Variants in HOMER1 observed in about 807,000 individuals in gnomAD.
The protein encoded by HOMER1 is homer protein homolog 1.
Under a neutral mutation model 48.9 loss-of-function variants are expected in HOMER1, and 3 were observed. The ratio of observed to expected loss-of-function variants is 0.06; its 90% confidence interval spans 0.03 to 0.16. The LOEUF (loss-of-function observed/expected upper bound fraction) is 0.16, where lower values mean the gene tolerates loss of function less well. HOMER1 is among the 10% of genes least tolerant of loss of function. HOMER1 has a pLI of 1.00. For missense variants in HOMER1, 247 were observed against 411.4 expected, an observed-to-expected ratio of 0.60 and a Z score of 3.46; for synonymous variants, 134 against 146.4, an observed-to-expected ratio of 0.92 and a Z score of 0.61.
At chr5:79,390,501 T>C (rs1246851810) in intron 8 of HOMER1, among the ~76,000 whole-genome samples, 1 of 152,088 alleles carries the variant, frequency 6.6e-6, no homozygotes, top group Non-Finnish European at 1.5e-5. Context: ...AGGAAAATTA[T>C]TAATACAATG....
chr5:79,389,010 T>C (rs1749183307), intron 8 of HOMER1, among the ~76,000 whole-genome samples: 1 of 152,012 alleles, frequency 6.6e-6, no homozygotes, highest in South Asian at 2.1e-4. Context: ...CCCTCAACAA[T>C]GTATTTCGTG....
chr5:79,463,296 A>T (rs916988923), intron 1 of HOMER1, among the ~76,000 whole-genome samples: 3 of 152,226 alleles, frequency 2.0e-5, no homozygotes, highest in African/African-American at 7.2e-5. Flanking sequence ...GAAATAACCA[A>T]GAAAAGTTTG....
chr5:79,387,045 T>C (rs1749131917), intron 8 of HOMER1, among the ~76,000 whole-genome samples: 3 of 125,148 alleles, frequency 2.4e-5, no homozygotes, highest in Admixed American at 8.5e-5. Context: ...CTCCCTCTCC[T>C]TCCTTCCTTC....
intron 8 of HOMER1, among the ~76,000 whole-genome samples, chr5:79,394,422 C>A (rs1749329029): frequency 1.3e-5 from 2 of 152,148 alleles, no homozygotes; most frequent in Non-Finnish European, 2.9e-5. Context: ...TTTTAGAATT[C>A]ATCCTCAGGT....
At chr5:79,412,821 G>T (rs932497536) in intron 5 of HOMER1, among the ~76,000 whole-genome samples, 2 of 152,184 alleles carry the variant, frequency 1.3e-5, no homozygotes, top group African/African-American at 4.8e-5. Context: ...TCAGTGACGA[G>T]ATGACACAGA....
chr5:79,465,742 G>C (rs1022949108), intron 1 of HOMER1, among the ~76,000 whole-genome samples: 1 of 151,536 alleles, frequency 6.6e-6, no homozygotes, highest in South Asian at 2.1e-4. Context: ...ACAGGCACCC[G>C]TCACCACACC....
chr5:79,457,158 G>T, intron 1 of HOMER1, 140 bp from the exon 2 acceptor site: 1 of 767,938 alleles, frequency 1.3e-6, no homozygotes, highest in Non-Finnish European at 2.1e-6. Context: ...TTTCAAATTT[G>T]CATATTCTAA....
intron 5 of HOMER1, 83 bp downstream of exon 5, chr5:79,438,927 C>T (rs1750667298): frequency 8.9e-7 from 1 of 1,125,916 alleles, no homozygotes. Context: ...TCACTCAAAG[C>T]TTGTAACTAC....
intron 8 of HOMER1, among the ~76,000 whole-genome samples, chr5:79,379,506 A>T (rs2112187211): frequency 7.5e-6 from 1 of 133,256 alleles, no homozygotes; most frequent in East Asian, 2.0e-4. Context: ...ATTTATATAC[A>T]TTTATATTAC....
At chr5:79,389,097 C>G (rs183273865) in intron 8 of HOMER1, among the ~76,000 whole-genome samples, 37 of 151,930 alleles carry the variant, frequency 2.4e-4, no homozygotes, top group African/African-American at 8.2e-4. Flanking sequence ...CAAAATGAGT[C>G]CAAAACTTAT....
chr5:79,467,410 A>C (rs1354367285), intron 1 of HOMER1, among the ~76,000 whole-genome samples: 1 of 151,402 alleles, frequency 6.6e-6, no homozygotes, highest in Non-Finnish European at 1.5e-5. Flanking sequence ...AAAAAAAAAA[A>C]AAACTAATGA....
In HOMER1 at chr5:79,417,303, C is replaced by A. The variant is rs541306468; in HGVS notation, c.528-15248G>T. ...GACTACAGGGGCCTGCCACCACGTCCGGCTAATGTTTTGTATTTTTAGTAG... is the reference window on the plus strand; with the variant it reads ...GACTACAGGGGCCTGCCACCACGTCAGGCTAATGTTTTGTATTTTTAGTAG... On this transcript the variant is annotated intron_variant, in intron 5 of 8. Coordinates refer to ENST00000334082, the MANE Select transcript of HOMER1 (RefSeq NM_004272.5). Among the ~76,000 whole-genome samples the A allele has an allele frequency of 2.6e-5, 4 of 152,094 alleles. No homozygotes were observed. In the East Asian group the frequency reaches 5.8e-4, roughly 22 times the overall value.
intron 8 of HOMER1, among the ~76,000 whole-genome samples, chr5:79,378,133 T>C (rs569600237): frequency 2.4e-4 from 36 of 147,534 alleles, no homozygotes; most frequent in African/African-American, 9.1e-4. Flanking sequence ...GGCAGGAGAA[T>C]GACTTGAACC....
intron 8 of HOMER1, among the ~76,000 whole-genome samples, chr5:79,395,715 T>A (rs888784462): frequency 6.6e-6 from 1 of 152,250 alleles, no homozygotes; most frequent in African/African-American, 2.4e-5. Flanking sequence ...TTGACCATTA[T>A]CTTAGTGGTC....
intron 1 of HOMER1, among the ~76,000 whole-genome samples, chr5:79,468,524 C>T (rs1751536920): frequency 6.6e-6 from 1 of 152,088 alleles, no homozygotes; most frequent in African/African-American, 2.4e-5. Context: ...CTTTTTAGAA[C>T]CTTAAAACTA....
intron 2 of HOMER1, among the ~76,000 whole-genome samples, chr5:79,455,218 C>CA (rs1157540945): frequency 6.6e-6 from 1 of 151,830 alleles, no homozygotes; most frequent in East Asian, 1.9e-4. Context: ...ATTACAGGCA[C>CA]AAACCTCAGT....
chr5:79,462,579 A>T (rs112685019), intron 1 of HOMER1, among the ~76,000 whole-genome samples: 4 of 152,244 alleles, frequency 2.6e-5, no homozygotes, highest in Non-Finnish European at 5.9e-5. Flanking sequence ...GACATAAAGA[A>T]TTACTACATT....
chr5:79,471,568 A>G (rs985503904), intron 1 of HOMER1, among the ~76,000 whole-genome samples: 7 of 149,180 alleles, frequency 4.7e-5, no homozygotes, highest in Non-Finnish European at 3.0e-5. Context: ...AAAAAAAAAA[A>G]AAAAAGAAAG....
rs894218853 is a variant in HOMER1, at chr5:79,374,433, A to G, written c.*1576T>C. On this transcript the variant is annotated 3_prime_UTR_variant, in exon 9 of 9. Transcript: ENST00000334082. ...AATATGTATGTATTTACGTACATAC[A>G]CATACATAAAAAACAAAATTGTCTA... 1.3e-5 allele frequency: 2 copies of G among 152,400 alleles called. No individual in the cohort carries two copies. The highest frequency in any genetic ancestry group is 6.6e-5 in the Admixed American group (1 of 15,258). The allele number at this position is 152,400 out of a possible 1,614,324, so 9.4% of individuals were successfully genotyped here. A position where few individuals can be genotyped will look rare whatever the true frequency, so the allele number is the denominator to read the frequency against.
Sources: gnomAD v4.1 joint callset for allele counts (sites outside exome capture counted in the v4.1 genomes callset) on GRCh38, gnomAD v4.1.1 for gene constraint, MANE v1.5 for transcripts, NCBI Gene and HGNC (gene_info 2026-07-23, HGNC 2026-07-21) for gene names.